MARCHF1: variants seen among roughly 807,000 people sequenced by gnomAD.
The protein encoded by MARCHF1 is E3 ubiquitin-protein ligase MARCHF1.
Under a neutral mutation model 54.2 loss-of-function variants are expected in MARCHF1, and 40 were observed. The observed-to-expected ratio is 0.74, with a 90% CI of 0.57 to 0.96. The LOEUF is 0.96. Ranked by LOEUF, MARCHF1 falls within the 40% of genes least tolerant of loss-of-function variation. The pLI is 0.00. For synonymous variants in MARCHF1, 236 were observed against 236.3 expected, an observed-to-expected ratio of 1.00 and a Z score of 0.01; for missense variants, 586 against 656.5, an observed-to-expected ratio of 0.89 and a Z score of 1.17.
intron 3 of MARCHF1, among the ~76,000 whole-genome samples, chr4:163,934,519 A>G (rs1751751802): frequency 7.0e-6 from 1 of 141,894 alleles, no homozygotes; most frequent in Admixed American, 7.3e-5. Context: ...TGATCATGCC[A>G]TGGCACTCCA....
In MARCHF1 at chr4:163,700,775, C is replaced by T. The variant is rs111338839; in HGVS notation, c.162+38G>A. On this transcript the variant is annotated intron_variant, in intron 5 of 9. Coordinates refer to ENST00000514618, the MANE Select transcript of MARCHF1 (RefSeq NM_001394959.1). ...AACATTTATGTGAACTCATGAAGTG[C>T]AGAAGTCAACAAACAAGAAAATGAG... 1.0e-3 allele frequency: 1,518 copies of T among 1,461,432 alleles called. 14 individuals carry two copies. The African/African-American group carries it at 0.019, about 18-fold the overall frequency. 90.5% of individuals were successfully genotyped at this position (1,461,432 alleles called of 1,614,324 possible). A position where few individuals can be genotyped will look rare whatever the true frequency, so the allele number is the denominator to read the frequency against.
At chr4:163,868,517 T>C (rs1218568899) in intron 3 of MARCHF1, among the ~76,000 whole-genome samples, 2 of 151,966 alleles carry the variant, frequency 1.3e-5, no homozygotes, top group East Asian at 3.9e-4. Context: ...CATCAAACAT[T>C]AGGAGCTTTA....
intron 2 of MARCHF1, among the ~76,000 whole-genome samples, chr4:164,108,361 T>C (rs1755753944): frequency 6.6e-6 from 1 of 152,168 alleles, no homozygotes; most frequent in Non-Finnish European, 1.5e-5. Flanking sequence ...GTATTTTGTG[T>C]TCAAAATTTA....
chr4:164,002,851 A>G (rs1428274746), intron 2 of MARCHF1, among the ~76,000 whole-genome samples: 1 of 151,936 alleles, frequency 6.6e-6, no homozygotes, highest in African/African-American at 2.4e-5. Context: ...GAGAAGAAAA[A>G]TAAGAATCCT....
chr4:164,148,243 T>C (rs948882411), intron 1 of MARCHF1, among the ~76,000 whole-genome samples: 5 of 152,154 alleles, frequency 3.3e-5, no homozygotes, highest in Non-Finnish European at 7.4e-5. Context: ...TAGTAGGGGA[T>C]GTTGAAATGA....
intron 3 of MARCHF1, among the ~76,000 whole-genome samples, chr4:163,888,830 T>C (rs542567012): frequency 1.3e-5 from 2 of 152,152 alleles, no homozygotes; most frequent in Non-Finnish European, 2.9e-5. Flanking sequence ...CTTATGTCCC[T>C]ATCATCTTGT....
intron 2 of MARCHF1, among the ~76,000 whole-genome samples, chr4:164,091,805 GGAAAT>G (rs1755307932): frequency 6.6e-6 from 1 of 151,604 alleles, no homozygotes; most frequent in African/African-American, 2.4e-5. Flanking sequence ...TTTGACTAAA[GGAAAT>G]ATCTAAGAAG....
At chr4:163,722,956 G>A (rs1457324707) in intron 4 of MARCHF1, among the ~76,000 whole-genome samples, 2 of 152,132 alleles carry the variant, frequency 1.3e-5, no homozygotes, top group Non-Finnish European at 2.9e-5. Flanking sequence ...AAAGCACACT[G>A]ATGGGTCTTG....
At chr4:164,095,259 G>T (rs1755385211) in intron 2 of MARCHF1, among the ~76,000 whole-genome samples, 1 of 152,068 alleles carries the variant, frequency 6.6e-6, no homozygotes, top group African/African-American at 2.4e-5. Flanking sequence ...ACTTCAGATA[G>T]TTACTTAACC....
intron 2 of MARCHF1, among the ~76,000 whole-genome samples, chr4:164,110,009 A>G (rs568054863): frequency 2.0e-5 from 3 of 151,050 alleles, no homozygotes; most frequent in Middle Eastern, 6.9e-3. Flanking sequence ...CATTGTTCAC[A>G]CTTAGGAGCT....
At chr4:163,538,385 A>G (rs1738610713) in intron 9 of MARCHF1, among the ~76,000 whole-genome samples, 1 of 151,976 alleles carries the variant, frequency 6.6e-6, no homozygotes, top group Non-Finnish European at 1.5e-5. Flanking sequence ...CCTGTACTCT[A>G]TTGGAGTTGG....
intron 5 of MARCHF1, among the ~76,000 whole-genome samples, chr4:163,685,169 TACA>T (rs779266161): frequency 3.3e-5 from 5 of 152,182 alleles, no homozygotes; most frequent in Non-Finnish European, 5.9e-5. Flanking sequence ...ATCGTTTTAT[TACA>T]ACATTTCTGA....
intron 3 of MARCHF1, among the ~76,000 whole-genome samples, chr4:163,899,159 T>C (rs906404015): frequency 6.6e-6 from 1 of 152,154 alleles, no homozygotes; most frequent in African/African-American, 2.4e-5. Flanking sequence ...ATATATACCT[T>C]CTGAATCCAA....
intron 3 of MARCHF1, among the ~76,000 whole-genome samples, chr4:163,885,973 A>G (rs6856353): frequency 6.8e-6 from 1 of 146,960 alleles, no homozygotes. Context: ...CTATCTCTCT[A>G]TATATAAAGA....
intron 1 of MARCHF1, among the ~76,000 whole-genome samples, chr4:164,374,248 A>AT (rs1236382277): frequency 7.7e-6 from 1 of 129,350 alleles, no homozygotes; most frequent in Admixed American, 1.1e-4. Flanking sequence ...AGACGTCAAC[A>AT]TTTTTTTAAG....
At chr4:163,687,437 AGGATGGTCCAAAGTCATATTCTTTTAAT>A (rs1421240632) in intron 5 of MARCHF1, among the ~76,000 whole-genome samples, 1 of 152,186 alleles carries the variant, frequency 6.6e-6, no homozygotes, top group African/African-American at 2.4e-5. Flanking sequence ...CATGTTGGCC[AGGATGGTCCAAAGTCATATTCTTTTAAT>A]GTAGCACAAA....
intron 1 of MARCHF1, among the ~76,000 whole-genome samples, chr4:164,347,745 G>C: frequency 6.6e-6 from 1 of 152,046 alleles, no homozygotes; most frequent in African/African-American, 2.4e-5. Context: ...GTTACTAGAA[G>C]GTTTTGTACT....
intron 1 of MARCHF1, among the ~76,000 whole-genome samples, chr4:164,190,969 G>A (rs1579609167): frequency 6.6e-6 from 1 of 152,110 alleles, no homozygotes; most frequent in South Asian, 2.1e-4. Flanking sequence ...TGTTATTGTT[G>A]TGTGTTTGTT....
intron 1 of MARCHF1, among the ~76,000 whole-genome samples, chr4:164,373,390 T>C (rs1272158441): frequency 1.6e-5 from 2 of 123,570 alleles, no homozygotes; most frequent in Non-Finnish European, 3.2e-5. Flanking sequence ...TGAGTCTCAC[T>C]CTCACCCAGG....
Sources: allele counts gnomAD v4.1 joint callset (sites outside exome capture counted in the v4.1 genomes callset), GRCh38; gene constraint gnomAD v4.1.1; transcripts MANE v1.5; gene names NCBI Gene and HGNC (gene_info 2026-07-23, HGNC 2026-07-21).